FN1: variants seen among roughly 807,000 people sequenced by gnomAD.
FN1 encodes fibronectin.
FN1 carries 106 observed loss-of-function variants against 297.3 expected under a neutral mutation model. The ratio of observed to expected loss-of-function variants is 0.36; its 90% CI spans 0.30 to 0.42. The LOEUF is 0.42. FN1 is among the 10% of genes least tolerant of loss of function. FN1 has a pLI of 1.00. For missense variants in FN1, 2,690 were observed against 3,124.9 expected, an observed-to-expected ratio of 0.86 and a Z score of 3.32; for synonymous variants, 1,149 against 1,152.6, an observed-to-expected ratio of 1.00 and a Z score of 0.06.
At chr2:215,392,539 AGATCATG>A in intron 25 of FN1, 1 of 288,592 alleles carries the variant, frequency 3.5e-6, no homozygotes, top group Non-Finnish European at 6.7e-6. Context: ...GGTAGAAGGA[AGATCATG>A]ATGGTACATT....
chr2:215,384,363 TGTATAA>T (rs1443285842), intron 29 of FN1, 179 bp from the exon 30 acceptor site: 7 of 618,550 alleles, frequency 1.1e-5, no homozygotes, highest in Non-Finnish European at 2.0e-5. Flanking sequence ...CCTTGGTAAG[TGTATAA>T]ACATTGAGAG....
chr2:215,429,013 A>AAAAACAAAAC (rs202170833), intron 5 of FN1, among the ~76,000 whole-genome samples: 7 of 152,082 alleles, frequency 4.6e-5, no homozygotes, highest in African/African-American at 1.4e-4. Flanking sequence ...AGACTGTCTC[A>AAAAACAAAAC]AAAACAAAAC....
rs377315833 is a variant in FN1 at position 215,370,540 on chromosome 2, C to CAAAAAAAAAA, written c.6715-109_6715-108insTTTTTTTTTT. 92 of 304,958 alleles carry CAAAAAAAAAA rather than the reference C, an allele frequency of 3.0e-4. 1 individual carries two copies. In the African/African-American group the frequency reaches 3.1e-3, roughly 10 times the overall value. 18.9% of individuals were successfully genotyped at this position (304,958 alleles called of 1,614,324 possible). On this transcript the variant is annotated intron_variant, in intron 40 of 45. Coordinates refer to ENST00000354785, the MANE Select transcript of FN1 (RefSeq NM_212482.4). The stretch of plus-strand genomic sequence containing the variant: ...ACTGTTTAAACAAAGCAAAGGAAGA[C>CAAAAAAAAAA]AAAAAACAAAAAACAAAAAAAAAAA...
intron 13 of FN1, among the ~76,000 whole-genome samples, chr2:215,410,344 C>T (rs2062426249): frequency 6.6e-6 from 1 of 152,178 alleles, no homozygotes; most frequent in African/African-American, 2.4e-5. Context: ...AGTTTACTTA[C>T]TGATACCCAT....
At chr2:215,421,277 C>T (rs2064301014) in intron 10 of FN1, 1 of 242,706 alleles carries the variant, frequency 4.1e-6, no homozygotes, top group Non-Finnish European at 8.1e-6. Flanking sequence ...AATAAAATGT[C>T]AACAGTATTC....
Position 215,404,513 on chromosome 2 carries a change from A to G in FN1, c.3129T>C (p.Asn1043=), listed in dbSNP as rs1456489231. 6.2e-7 allele frequency: 1 copy of G among 1,614,126 alleles called. No homozygotes were observed. Among genetic ancestry groups the G allele is most frequent in the Admixed American group, 1.7e-5 (1 of 60,016 alleles). Residue 1043 remains asparagine (N), a synonymous_variant, in exon 20 of 46, where the codon AAT becomes AAC. Transcript: ENST00000354785. The part of the protein sequence containing the change: ...LTRRGQPRQY[N]VGPSVSKYPL... ...GGTACTTGGAGACAGAGGGACCCAC[A>G]TTGTACTGCCTGGGCTGTCCTCTTC...
At position 215,425,172 on chromosome 2, in the gene FN1, T is replaced by A; in HGVS notation, c.958A>T (p.Met320Leu). Residue 320 changes from methionine to leucine, a missense_variant, in exon 7 of 46, where the codon ATG (methionine) becomes TTG (leucine). This residue lies in a region of FN1 where 876 missense variants were observed against 1,058.1 expected (regional missense o/e 0.83). Coordinates refer to ENST00000354785, the MANE Select transcript of FN1 (RefSeq NM_212482.4). ...TDSGVVYSVG[M>L]QWLKTQGNKQ... is the part of the protein sequence containing the mutation. ...TTTCCTTGTGTCTTCAGCCACTGCA[T>A]CCCCACAGAGTAGACCACACCACTG... 2 of 1,614,168 alleles carry A rather than the reference T, an allele frequency of 1.2e-6. No homozygotes were observed. The highest frequency in any genetic ancestry group is 1.1e-5 in the South Asian group (1 of 91,080).
chr2:215,431,751 G>C, intron 4 of FN1, 82 bp downstream of exon 4: 4 of 1,391,396 alleles, frequency 2.9e-6, no homozygotes, highest in Non-Finnish European at 4.1e-6. Context: ...TCAGGTCTAT[G>C]ACCTATGTAG....
Position 215,361,620 on chromosome 2 carries a change from T to C in FN1, c.7369A>G (p.Asn2457Asp). ...GGCATGAAGCACTCAATTGGGCAAT[T>C]AACATTCTGTTAAAAAGGAAGAAGG... ...RYHQRTNTNVNCPIECFMPLD... is the reference protein window; with the variant it reads ...RYHQRTNTNVDCPIECFMPLD... The change falls in exon 46 of 46, where the codon AAT becomes GAT. Residue 2457 changes from asparagine to aspartate, a missense_variant. Physicochemically the swap from Asn to Asp is conservative, Grantham distance 23 (BLOSUM62 1). Transcript: ENST00000354785. 2 of 1,609,850 alleles carry C rather than the reference T, an allele frequency of 1.2e-6. No homozygotes were observed. The highest frequency in any genetic ancestry group is 1.7e-6 in the Non-Finnish European group (2 of 1,176,290).
At chr2:215,380,301 T>C (rs181588438) in intron 33 of FN1, 26 of 169,032 alleles carry the variant, frequency 1.5e-4, no homozygotes, top group African/African-American at 4.3e-4. Context: ...TAAAGTATTA[T>C]GGAAAGCAAT....
At chr2:215,394,192 C>T (rs888751239) in intron 24 of FN1, among the ~76,000 whole-genome samples, 4 of 152,170 alleles carry the variant, frequency 2.6e-5, no homozygotes, top group Non-Finnish European at 2.9e-5. Context: ...TACCATATTA[C>T]TTTGAGCCTA....
At chr2:215,380,775 T>A (rs1417241141) in intron 33 of FN1, 36 bp downstream of exon 33, 1 of 1,611,846 alleles carries the variant, frequency 6.2e-7, no homozygotes, top group Admixed American at 1.7e-5. Context: ...AAGCCGCTGC[T>A]CCCATGGGCA....
In FN1 at chr2:215,376,536, C is replaced by G; in HGVS notation, c.5849G>C (p.Arg1950Thr). Reference protein sequence around the residue: ...VPANGQTPIQRTIKPDVRSYT... With the variant: ...VPANGQTPIQTTIKPDVRSYT... ...GCTTCTGACATCTGGCTTGATGGTT[C>G]TCTGGATTGGAGTCTGGCCATTGGC... The change falls in exon 36 of 46, where the codon AGA becomes ACA. Residue 1950 changes from arginine (R) to threonine (T), a missense_variant. Transcript: ENST00000354785. The G allele has an allele frequency of 6.2e-7, 1 of 1,614,004 alleles. No homozygotes were observed. Among genetic ancestry groups the G allele is most frequent in the Non-Finnish European group, 8.5e-7 (1 of 1,180,004 alleles).
At position 215,407,947 on chromosome 2, in the gene FN1, A is replaced by C. The variant is rs55902160; in HGVS notation, c.2518+161T>G. ...ATGTGCCATAGAAAATAACTCCCCCACCCCCGCCACACACACACACACACA... is the reference window on the plus strand; with the variant it reads ...ATGTGCCATAGAAAATAACTCCCCCCCCCCCGCCACACACACACACACACA... On this transcript the variant is annotated intron_variant, in intron 17 of 45. Transcript: ENST00000354785. Among the ~76,000 whole-genome samples, 41,119 of 117,082 alleles carry C rather than the reference A, an allele frequency of 0.35. 7,522 individuals carry two copies. Among genetic ancestry groups the C allele is most frequent in the East Asian group, 0.53 (328 of 624 alleles). The allele number at this position is 117,082 out of a possible 152,430, so 76.8% of individuals were successfully genotyped here. A position where few individuals can be genotyped will look rare whatever the true frequency, so the allele number is the denominator to read the frequency against.
intron 28 of FN1, among the ~76,000 whole-genome samples, chr2:215,385,248 T>TAAAAAAAAAAAAAAAAAA (rs10542238): frequency 2.3e-5 from 3 of 128,114 alleles, no homozygotes; most frequent in Non-Finnish European, 3.2e-5. Context: ...ACAGAAAAGT[T>TAAAAAAAAAAAAAAAAAA]AAAAAAAAAA....
intron 20 of FN1, among the ~76,000 whole-genome samples, chr2:215,400,425 G>T (rs1415461332): frequency 6.6e-6 from 1 of 151,800 alleles, no homozygotes; most frequent in Non-Finnish European, 1.5e-5. Context: ...GCATTTTCTA[G>T]CATCCTGACA....
Position 215,392,783 on chromosome 2 carries a change from A to G in FN1, c.4069+148T>C, listed in dbSNP as rs943835848. 9.5e-6 allele frequency: 8 copies of G among 838,096 alleles called. No homozygotes were observed. The African/African-American group carries it at 1.3e-4, about 14-fold the overall frequency. The allele number at this position is 838,096 out of a possible 1,614,324, so 51.9% of individuals were successfully genotyped here. On this transcript the variant is annotated intron_variant, in intron 25 of 45. Coordinates refer to ENST00000354785, the MANE Select transcript of FN1 (RefSeq NM_212482.4). ...TTTCTCCAATCAGTTTAGCAGATGCATTTGATTCCTTATCCCCCCAATCCA... is the reference window on the plus strand; with the variant it reads ...TTTCTCCAATCAGTTTAGCAGATGCGTTTGATTCCTTATCCCCCCAATCCA...
chr2:215,411,050 G>A (rs2062554175), intron 13 of FN1, among the ~76,000 whole-genome samples: 1 of 152,184 alleles, frequency 6.6e-6, no homozygotes, highest in Non-Finnish European at 1.5e-5. Context: ...GGTTCAACGA[G>A]TCTGGTTTTG....
chr2:215,420,898 TAA>T, intron 10 of FN1, 97 bp from the exon 11 acceptor site: 1 of 1,093,020 alleles, frequency 9.1e-7, no homozygotes, highest in Non-Finnish European at 1.4e-6. Flanking sequence ...TACTTCCACT[TAA>T]TTATCAACAC....
Sources: allele counts gnomAD v4.1 joint callset (sites outside exome capture counted in the v4.1 genomes callset), GRCh38; gene constraint gnomAD v4.1.1; regional missense constraint gnomAD v4.1.1; transcripts MANE v1.5; gene names NCBI Gene and HGNC (gene_info 2026-07-23, HGNC 2026-07-21).